The following EPHA5 variants were observed in gnomAD, a reference collection of about 807,000 sequenced individuals.
The protein encoded by EPHA5 is ephrin type-A receptor 5.
EPHA5 carries 60 observed loss-of-function variants against 105.0 expected under a neutral mutation model. The ratio of observed to expected loss-of-function variants is 0.57; its 90% CI spans 0.46 to 0.71. The LOEUF (loss-of-function observed/expected upper bound fraction) is 0.71, where lower values mean the gene tolerates loss of function less well. Among genes scored for constraint, EPHA5 ranks in the 30% least tolerant of loss-of-function variants. The pLI, the probability that EPHA5 is intolerant of heterozygous loss-of-function variation, is 0.00. For synonymous variants in EPHA5, 513 were observed against 449.1 expected (o/e 1.14, Z -1.80); for missense variants, 1,218 against 1,274.7 (o/e 0.96, Z 0.68).
chr4:65,482,122 A>G (rs57719748), intron 5 of EPHA5, among the ~76,000 whole-genome samples: 2,548 of 152,090 alleles, frequency 0.017, 91 homozygotes, highest in East Asian at 0.15. Context: ...ACACGGGGAA[A>G]TCATGTCTCT....
At chr4:65,585,215 A>G (rs938933971) in intron 3 of EPHA5, among the ~76,000 whole-genome samples, 10 of 151,874 alleles carry the variant, frequency 6.6e-5, no homozygotes, top group African/African-American at 2.2e-4. Flanking sequence ...AGAATTTGCT[A>G]TAAATGAATT....
chr4:65,581,320 C>T (rs1351082945), intron 3 of EPHA5, among the ~76,000 whole-genome samples: 2 of 151,600 alleles, frequency 1.3e-5, no homozygotes, highest in African/African-American at 4.8e-5. Context: ...TAATAAACTT[C>T]CGTTTGTTTT....
chr4:65,499,954 C>G (rs1300869316), intron 3 of EPHA5, among the ~76,000 whole-genome samples: 1 of 150,590 alleles, frequency 6.6e-6, no homozygotes, highest in Non-Finnish European at 1.5e-5. Flanking sequence ...AGAACTGTGA[C>G]AAAACATGTT....
chr4:65,505,652 T>C (rs1045307728), intron 3 of EPHA5, among the ~76,000 whole-genome samples: 1 of 152,086 alleles, frequency 6.6e-6, no homozygotes, highest in African/African-American at 2.4e-5. Flanking sequence ...AGCACCTAAA[T>C]TTAGCTCCGT....
intron 5 of EPHA5, among the ~76,000 whole-genome samples, chr4:65,473,125 A>C (rs188145887): frequency 5.0e-4 from 76 of 152,262 alleles, no homozygotes; most frequent in African/African-American, 1.7e-3. Flanking sequence ...CAAGGTCCTC[A>C]TCTCCATCTG....
chr4:65,538,695 T>C (rs961948258), intron 3 of EPHA5, among the ~76,000 whole-genome samples: 1 of 151,644 alleles, frequency 6.6e-6, no homozygotes, highest in East Asian at 1.9e-4. Context: ...GCTAGGCACA[T>C]AGCGATCCAA....
At chr4:65,512,998 A>G (rs1463675662) in intron 3 of EPHA5, among the ~76,000 whole-genome samples, 1 of 152,194 alleles carries the variant, frequency 6.6e-6, no homozygotes, top group Non-Finnish European at 1.5e-5. Context: ...CCTATGATTA[A>G]GCATGCCATG....
At chr4:65,655,434 TAACTA>T (rs1748972217) in intron 1 of EPHA5, among the ~76,000 whole-genome samples, 1 of 152,164 alleles carries the variant, frequency 6.6e-6, no homozygotes, top group African/African-American at 2.4e-5. Context: ...TATGTTCACT[TAACTA>T]GAGTTAGAAG....
chr4:65,576,471 C>T (rs1267670959), intron 3 of EPHA5, among the ~76,000 whole-genome samples: 1 of 152,116 alleles, frequency 6.6e-6, no homozygotes, highest in African/African-American at 2.4e-5. Context: ...TTATGTTCTG[C>T]AAAATGTAGC....
chr4:65,597,458 T>TAAA (rs5858971), intron 3 of EPHA5, among the ~76,000 whole-genome samples: 3 of 147,694 alleles, frequency 2.0e-5, no homozygotes, highest in Non-Finnish European at 1.5e-5. Flanking sequence ...CATTTTTTAC[T>TAAA]AAAAAAAAAA....
At position 65,335,943 on chromosome 4, in the gene EPHA5, ATTAACCAGCG is replaced by A; in HGVS notation, c.2768_2777del (p.Thr923MetfsTer16). 3 of 1,610,868 alleles carry A rather than the reference ATTAACCAGCG, an allele frequency of 1.9e-6. No individual in the cohort carries two copies. Among genetic ancestry groups the A allele is most frequent in the Non-Finnish European group, 2.5e-6 (3 of 1,178,230 alleles). On this transcript the variant is annotated frameshift_variant, in exon 15 of 17. Transcript: ENST00000613740. LOFTEE classifies it high-confidence loss of function. ...ATCTGGCCTTGTACCTGCAGGATGCATTAACCAGCGTCTTCAGACTACTTGGGTTACGTAT... is the reference window on the plus strand; with the variant it reads ...ATCTGGCCTTGTACCTGCAGGATGCATCTTCAGACTACTTGGGTTACGTAT...
At position 65,585,120 on chromosome 4, in the gene EPHA5, T is replaced by TTGTGTGTGTG. The variant is rs76180882; in HGVS notation, c.910+16511_910+16520dup. On this transcript the variant is annotated intron_variant, in intron 3 of 16. Coordinates refer to ENST00000613740, the MANE Select transcript of EPHA5 (RefSeq NM_001281766.3). ...CATGTATATGTGTGTGCATGTGTGT[T>TTGTGTGTGTG]TGTGTGTGTGTGTGTGTGTGTGTGT... 2.3e-3 allele frequency among the ~76,000 whole-genome samples: 343 copies of TTGTGTGTGTG among 149,006 alleles called. 1 individual carries two copies. Among genetic ancestry groups the TTGTGTGTGTG allele is most frequent in the South Asian group, 1.9e-3 (9 of 4,730 alleles).
intron 16 of EPHA5, chr4:65,331,505 C>A (rs750594679): frequency 5.7e-6 from 6 of 1,052,888 alleles, no homozygotes; most frequent in Non-Finnish European, 6.9e-6. Flanking sequence ...TAAATGAGAT[C>A]CTGCCAGGGA....
intron 5 of EPHA5, among the ~76,000 whole-genome samples, chr4:65,425,067 T>C (rs751811261): frequency 6.6e-6 from 1 of 152,016 alleles, no homozygotes; most frequent in Non-Finnish European, 1.5e-5. Context: ...TAAAACTCCA[T>C]GCATTTGATT....
chr4:65,444,435 A>T (rs1291279818), intron 5 of EPHA5, among the ~76,000 whole-genome samples: 1 of 152,204 alleles, frequency 6.6e-6, no homozygotes, highest in Non-Finnish European at 1.5e-5. Context: ...AGAGGAAATC[A>T]AAGATCCATT....
intron 11 of EPHA5, among the ~76,000 whole-genome samples, chr4:65,354,732 T>C (rs1317667405): frequency 2.6e-5 from 4 of 151,668 alleles, no homozygotes; most frequent in Non-Finnish European, 5.9e-5. Flanking sequence ...AGTACAACTA[T>C]AGATATAGAA....
rs1341123653 is a variant in EPHA5, at chr4:65,406,134, G to A, written c.1688-1655C>T. ...AACTTTCAAAGATCTCCCTCTGGGA[G>A]AGGGTTTTGCTGCCTTATAAACTAC... On this transcript the variant is annotated intron_variant, in intron 7 of 16. Coordinates refer to ENST00000613740, the MANE Select transcript of EPHA5 (RefSeq NM_001281766.3). Among the ~76,000 whole-genome samples, 4 of 152,138 alleles carry A rather than the reference G, an allele frequency of 2.6e-5. No individual in the cohort carries two copies. In the East Asian group the frequency reaches 5.8e-4, roughly 22 times the overall value.
intron 8 of EPHA5, among the ~76,000 whole-genome samples, chr4:65,376,226 C>T (rs550950361): frequency 6.6e-6 from 1 of 151,986 alleles, no homozygotes; most frequent in Admixed American, 6.6e-5. Flanking sequence ...ATTCTGACTA[C>T]AAATGACACT....
intron 3 of EPHA5, among the ~76,000 whole-genome samples, chr4:65,509,583 C>A (rs1733399437): frequency 6.6e-6 from 1 of 152,042 alleles, no homozygotes; most frequent in African/African-American, 2.4e-5. Flanking sequence ...ATATCTTAAC[C>A]CATATTAGAC....
Sources: allele counts gnomAD v4.1 joint callset (sites outside exome capture counted in the v4.1 genomes callset), GRCh38; gene constraint gnomAD v4.1.1; transcripts MANE v1.5; gene names NCBI Gene and HGNC (gene_info 2026-07-23, HGNC 2026-07-21).